NCOA5: variants seen among roughly 807,000 people sequenced by gnomAD.
NCOA5 encodes nuclear receptor coactivator 5, also known as NCoA-5.
A neutral mutation model predicts 59.0 loss-of-function variants in NCOA5; 12 were observed. That is an observed-to-expected ratio of 0.20 (90% CI 0.13 to 0.33). NCOA5 has a LOEUF of 0.33. Ranked by LOEUF, NCOA5 falls within the 10% of genes least tolerant of loss-of-function variation. The pLI is 1.00. For synonymous variants in NCOA5, 270 were observed against 275.5 expected (o/e 0.98, Z 0.20); for missense variants, 655 against 766.6 (o/e 0.85, Z 1.72).
Position 46,068,565 on chromosome 20 carries a change from G to T in NCOA5, c.439C>A (p.Arg147Ser), listed in dbSNP as rs533020842. The change falls in exon 4 of 8, where the codon CGT becomes AGT. Residue 147 changes from arginine to serine, a missense_variant. By Grantham distance (110) the Arg-to-Ser change is moderately radical (BLOSUM62 -1). Around this residue, in one of 3 missense-constraint regions of NCOA5, gnomAD observed 250 missense variants for 260.1 expected, o/e 0.96. Coordinates refer to ENST00000290231, the MANE Select transcript of NCOA5 (RefSeq NM_020967.3). ...CRRKDDSYFDRYRDSFDGRGP... is the reference protein window; with the variant it reads ...CRRKDDSYFDSYRDSFDGRGP... ...CGTCCATCAAAGCTATCTCTGTAAC[G>T]GTCAAAATAAGAGTCATCCTTTCTC... 1.2e-6 allele frequency: 2 copies of T among 1,613,576 alleles called. No homozygotes were observed. Among genetic ancestry groups the T allele is most frequent in the African/African-American group, 1.3e-5 (1 of 74,896 alleles).
At chr20:46,087,182 G>C (rs2085054124) in intron 1 of NCOA5, among the ~76,000 whole-genome samples, 1 of 152,170 alleles carries the variant, frequency 6.6e-6, no homozygotes, top group African/African-American at 2.4e-5. Context: ...TACACTAAGA[G>C]TAACAGTGAC....
chr20:46,089,784 C>T (rs1600639173), intron 1 of NCOA5, 33 bp downstream of exon 1: 1 of 152,228 alleles, frequency 6.6e-6, no homozygotes, highest in East Asian at 1.9e-4. Flanking sequence ...AGCCCCACGC[C>T]TCGGCTGACG....
chr20:46,079,666 T>A (rs1362388204), intron 1 of NCOA5, among the ~76,000 whole-genome samples: 1 of 152,182 alleles, frequency 6.6e-6, no homozygotes, highest in Non-Finnish European at 1.5e-5. Context: ...TGTCCCTTCG[T>A]TTTCTAGTTA....
chr20:46,064,807 C>T (rs369965220), intron 6 of NCOA5, among the ~76,000 whole-genome samples: 20 of 152,324 alleles, frequency 1.3e-4, no homozygotes, highest in South Asian at 4.1e-4. Context: ...CAGCACACCA[C>T]TGTATATACC....
At chr20:46,063,095 C>T (rs2084785243) in intron 7 of NCOA5, among the ~76,000 whole-genome samples, 1 of 152,160 alleles carries the variant, frequency 6.6e-6, no homozygotes, top group Non-Finnish European at 1.5e-5. Context: ...TGCTAAAAAA[C>T]AAAAGGGCAT....
intron 1 of NCOA5, among the ~76,000 whole-genome samples, 188 bp downstream of exon 1, chr20:46,089,629 G>A (rs543371677): frequency 3.5e-4 from 53 of 152,104 alleles, no homozygotes; most frequent in Middle Eastern, 3.4e-3. Context: ...GGCCTGACGG[G>A]AGCCGGAGGC....
chr20:46,079,489 C>T (rs921576078), intron 1 of NCOA5, 36 bp from the exon 2 acceptor site: 17 of 1,513,262 alleles, frequency 1.1e-5, no homozygotes, highest in African/African-American at 5.5e-5. Context: ...TTCAATGCTA[C>T]GGAATAAAAA....
At chr20:46,072,591 C>A (rs1422948076) in intron 2 of NCOA5, among the ~76,000 whole-genome samples, 4 of 152,210 alleles carry the variant, frequency 2.6e-5, no homozygotes, top group Non-Finnish European at 2.9e-5. Flanking sequence ...CCCTGTCACA[C>A]CCTCTCCCTA....
At chr20:46,072,666 T>C (rs1467779939) in intron 2 of NCOA5, among the ~76,000 whole-genome samples, 2 of 152,242 alleles carry the variant, frequency 1.3e-5, no homozygotes, top group East Asian at 1.9e-4. Flanking sequence ...CTGATCCCTT[T>C]ACGTGAGTAG....
Position 46,070,269 on chromosome 20 carries a change from C to G in NCOA5, c.306G>C (p.Gln102His). The stretch of plus-strand genomic sequence containing the variant: ...TGTATCTGTCGTACATGGGGTCTCG[C>G]TGATCTCGAAAATCCCTAGAGTCTC... ...DLRDSRDFRD[Q>H]RDPMYDRYRD... is the part of the protein sequence containing the mutation. Residue 102 changes from glutamine (Q) to histidine (H), a missense_variant, in exon 3 of 8, where the codon CAG (glutamine) becomes CAC (histidine). This residue lies in a region of NCOA5 where 250 missense variants were observed against 260.1 expected (regional missense o/e 0.96). Transcript: ENST00000290231. The G allele has an allele frequency of 6.2e-7, 1 of 1,614,094 alleles. No homozygotes were observed. The highest frequency in any genetic ancestry group is 8.5e-7 in the Non-Finnish European group (1 of 1,180,030).
chr20:46,086,927 A>T (rs921398330), intron 1 of NCOA5, among the ~76,000 whole-genome samples: 1 of 152,228 alleles, frequency 6.6e-6, no homozygotes, highest in African/African-American at 2.4e-5. Context: ...GTTTTGGAGT[A>T]AGGACACCAC....
chr20:46,070,279 A>C lies in NCOA5; in HGVS notation c.296T>G (p.Phe99Cys). 1 of 1,614,078 alleles carries C rather than the reference A, an allele frequency of 6.2e-7. No homozygotes were observed. Among genetic ancestry groups the C allele is most frequent in the Non-Finnish European group, 8.5e-7 (1 of 1,180,006 alleles). The change falls in exon 3 of 8, where the codon TTT becomes TGT. Residue 99 changes from phenylalanine to cysteine, a missense_variant. Phe to Cys is a radical substitution (Grantham distance 205). Transcript: ENST00000290231. ...DFRDLRDSRD[F>C]RDQRDPMYDR... is the part of the protein sequence containing the mutation. ...GTACATGGGGTCTCGCTGATCTCGA[A>C]AATCCCTAGAGTCTCTTAGATCACG...
At chr20:46,083,971 CTATA>C (rs2085020058) in intron 1 of NCOA5, among the ~76,000 whole-genome samples, 1 of 152,140 alleles carries the variant, frequency 6.6e-6, no homozygotes, top group Non-Finnish European at 1.5e-5. Flanking sequence ...TATACTTTCC[CTATA>C]TATTTGATTA....
chr20:46,078,753 GGTACACACCAGGATTATCTCTTTT>G (rs1199510468), intron 2 of NCOA5, among the ~76,000 whole-genome samples: 2 of 152,008 alleles, frequency 1.3e-5, no homozygotes, highest in African/African-American at 2.4e-5. Flanking sequence ...GTATCTTGAG[GGTACACACCAGGATTATCTCTTTT>G]GTATACACCG....
intron 4 of NCOA5, 34 bp downstream of exon 4, chr20:46,068,468 C>T (rs547553147): frequency 1.3e-6 from 2 of 1,583,986 alleles, no homozygotes; most frequent in Admixed American, 1.9e-5. Context: ...AGTGTTCTAT[C>T]AATAATAGGA....
chr20:46,087,127 T>C (rs2085053574), intron 1 of NCOA5, among the ~76,000 whole-genome samples: 1 of 152,242 alleles, frequency 6.6e-6, no homozygotes, highest in Non-Finnish European at 1.5e-5. Flanking sequence ...AGCAATGATT[T>C]AGTATTTACC....
rs1481941466 is a variant in NCOA5, at chr20:46,070,393, C to T, written c.182G>A (p.Arg61Gln). 12 of 1,613,778 alleles carry T rather than the reference C, an allele frequency of 7.4e-6. No homozygotes were observed. The highest frequency in any genetic ancestry group is 4.5e-5 in the East Asian group (2 of 44,876). The change falls in exon 3 of 8, where the codon CGG (arginine) becomes CAG (glutamine). Residue 61 changes from arginine (R) to glutamine (Q), a missense_variant. Arg to Gln is a conservative substitution (Grantham distance 43). This residue lies in a region of NCOA5 where 250 missense variants were observed against 260.1 expected (regional missense o/e 0.96). Transcript: ENST00000290231. ...CAAATCTCTACTATGTCTGTGGTCC[C>T]GCAAGTCTCGGGGGTCTCGAATGTC... ...SRDIRDPRDL[R>Q]DHRHSRDLRD...
intron 6 of NCOA5, among the ~76,000 whole-genome samples, chr20:46,064,364 G>A (rs914662296): frequency 6.6e-6 from 1 of 152,226 alleles, no homozygotes; most frequent in Admixed American, 6.5e-5. Flanking sequence ...AGTCTGTGCT[G>A]TAAGAGTGAG....
At chr20:46,074,467 A>G (rs2084915210) in intron 2 of NCOA5, among the ~76,000 whole-genome samples, 1 of 152,226 alleles carries the variant, frequency 6.6e-6, no homozygotes, top group Non-Finnish European at 1.5e-5. Context: ...GAAACTGAAC[A>G]GTGGTTAAAT....
Sources: gnomAD v4.1 joint callset for allele counts (sites outside exome capture counted in the v4.1 genomes callset) on GRCh38, gnomAD v4.1.1 for gene constraint, gnomAD v4.1.1 regional missense constraint, MANE v1.5 for transcripts, NCBI Gene and HGNC (gene_info 2026-07-23, HGNC 2026-07-21) for gene names.